The following ITGA1 variants were observed in gnomAD, a reference collection of about 807,000 sequenced individuals.
ITGA1 encodes integrin alpha-1.
ITGA1 carries 85 observed loss-of-function variants against 145.9 expected under a neutral mutation model. The observed-to-expected ratio is 0.58, with a 90% CI of 0.49 to 0.70. ITGA1 has a LOEUF of 0.70. ITGA1 is among the 30% of genes least tolerant of loss of function. The pLI, the probability that ITGA1 is intolerant of heterozygous loss-of-function variation, is 0.00. For missense variants in ITGA1, 1,351 were observed against 1,418.7 expected, an observed-to-expected ratio of 0.95 and a Z score of 0.77; for synonymous variants, 520 against 495.3, an observed-to-expected ratio of 1.05 and a Z score of -0.66.
intron 11 of ITGA1, chr5:52,905,434 CA>C (rs1453761458): frequency 5.7e-6 from 1 of 176,466 alleles, no homozygotes; most frequent in Non-Finnish European, 1.2e-5. Context: ...CACATATATC[CA>C]AATGAAATAC....
intron 26 of ITGA1, among the ~76,000 whole-genome samples, chr5:52,943,349 G>T (rs1362696197): frequency 6.6e-6 from 1 of 152,160 alleles, no homozygotes; most frequent in African/African-American, 2.4e-5. Flanking sequence ...ATTTGGGTTT[G>T]TTTCTGGATG....
Position 52,881,929 on chromosome 5 carries a change from T to G in ITGA1, c.681T>G (p.Tyr227Ter). The change falls in exon 7 of 29, where the codon TAT (tyrosine) becomes TAG (stop). Residue 227 changes from tyrosine to a stop codon, truncating the protein, a stop_gained. Coordinates refer to ENST00000282588, the MANE Select transcript of ITGA1 (RefSeq NM_181501.2). LOFTEE classifies it high-confidence loss of function. ...CCCATGAGTTCAACCTCAATAAGTA[T>G]TCTTCCACCGAAGAGGTACTTGTTG... is the stretch of plus-strand genomic sequence containing the variant. ...NVTHEFNLNK[Y>*]SSTEEVLVAA... 1 of 1,613,830 alleles carries G rather than the reference T, an allele frequency of 6.2e-7. No homozygotes were observed. The highest frequency in any genetic ancestry group is 8.5e-7 in the Non-Finnish European group (1 of 1,179,792).
chr5:52,878,289 A>G (rs770026176), intron 6 of ITGA1, among the ~76,000 whole-genome samples: 1 of 152,220 alleles, frequency 6.6e-6, no homozygotes, highest in African/African-American at 2.4e-5. Context: ...ATAGGCAGTT[A>G]TAACTCATCT....
chr5:52,851,504 G>A (rs1360158906), intron 2 of ITGA1, among the ~76,000 whole-genome samples: 2 of 152,154 alleles, frequency 1.3e-5, no homozygotes, highest in African/African-American at 4.8e-5. Context: ...CATGAGGAAT[G>A]TCCTTCCTAA....
In ITGA1 at chr5:52,939,606, C is replaced by CAT; in HGVS notation, c.3095_3096insAT (p.His1033SerfsTer16). 5 of 1,610,766 alleles carry CAT rather than the reference C, an allele frequency of 3.1e-6. No homozygotes were observed. The highest frequency in any genetic ancestry group is 3.4e-6 in the Non-Finnish European group (4 of 1,177,190). On this transcript the variant is annotated frameshift_variant, in exon 25 of 29. Coordinates refer to ENST00000282588, the MANE Select transcript of ITGA1 (RefSeq NM_181501.2). LOFTEE classifies it high-confidence loss of function. ...CATTTCTAGAATGCAAACTGCAGAC[C>CAT]CCATATCTTTGAGGATCCTTTCAGT...
At chr5:52,935,720 T>C (rs550114300) in intron 23 of ITGA1, among the ~76,000 whole-genome samples, 1 of 152,300 alleles carries the variant, frequency 6.6e-6, no homozygotes, top group Admixed American at 6.5e-5. Flanking sequence ...AATAAACTTA[T>C]ACATTTAAAG....
At chr5:52,898,102 A>T (rs1750257677) in intron 10 of ITGA1, 137 bp from the exon 11 acceptor site, 1 of 488,174 alleles carries the variant, frequency 2.0e-6, no homozygotes, top group African/African-American at 2.0e-5. Flanking sequence ...TAACTCATAG[A>T]GTTATCATGA....
chr5:52,925,932 CTG>C (rs969028405), intron 19 of ITGA1, among the ~76,000 whole-genome samples: 51 of 152,190 alleles, frequency 3.4e-4, no homozygotes, highest in African/African-American at 1.2e-3. Context: ...TATTAAATAA[CTG>C]TGTCTTATTG....
intron 2 of ITGA1, among the ~76,000 whole-genome samples, chr5:52,854,492 T>C (rs189865300): frequency 2.0e-4 from 31 of 152,290 alleles, no homozygotes; most frequent in Admixed American, 3.3e-4. Context: ...TGGGTCACTG[T>C]GTAAGTTTCA....
In ITGA1 at chr5:52,860,468, C is replaced by T. The variant is rs1027380152; in HGVS notation, c.183-979C>T. On this transcript the variant is annotated intron_variant, in intron 2 of 28. Transcript: ENST00000282588. ...GGCTGAGGCAGGAGAATCGCTTGGA[C>T]CCAGGAGGCGGAGGTTGCAGTGGGC... Among the ~76,000 whole-genome samples the T allele has an allele frequency of 6.6e-5, 10 of 152,164 alleles. No individual in the cohort carries two copies. In the East Asian group the frequency reaches 1.9e-3, roughly 29 times the overall value.
chr5:52,799,014 T>C (rs1033943659), intron 1 of ITGA1, among the ~76,000 whole-genome samples: 1 of 152,180 alleles, frequency 6.6e-6, no homozygotes, highest in Admixed American at 6.5e-5. Flanking sequence ...CACACGCCTA[T>C]GCCAAACTCA....
intron 1 of ITGA1, among the ~76,000 whole-genome samples, chr5:52,808,978 A>G (rs10805443): frequency 0.26 from 39,099 of 151,894 alleles, 5,373 homozygotes; most frequent in Non-Finnish European, 0.3. Flanking sequence ...GGAACAAGGA[A>G]CAATGCAGGA....
At chr5:52,897,552 A>G in intron 10 of ITGA1, 24 bp downstream of exon 10, 1 of 1,582,906 alleles carries the variant, frequency 6.3e-7, no homozygotes, top group Non-Finnish European at 8.7e-7. Flanking sequence ...TTGGTGAAAA[A>G]TGAAATATAT....
At chr5:52,899,752 A>G (rs545555093) in intron 11 of ITGA1, among the ~76,000 whole-genome samples, 1 of 152,342 alleles carries the variant, frequency 6.6e-6, no homozygotes, top group South Asian at 2.1e-4. Flanking sequence ...GGATTGTGAT[A>G]TAAAATATAG....
rs150409681 is a variant in ITGA1, at chr5:52,931,282, T to A, written c.2772-765T>A. The A allele has an allele frequency of 2.9e-3, 449 of 152,232 alleles. 4 individuals are homozygous for A. The highest frequency in any genetic ancestry group is 0.01 in the African/African-American group (432 of 41,530). The allele number at this position is 152,232 out of a possible 1,614,324, so 9.4% of individuals were successfully genotyped here. A position where few individuals can be genotyped will look rare whatever the true frequency, so the allele number is the denominator to read the frequency against. On this transcript the variant is annotated intron_variant, in intron 21 of 28. Coordinates refer to ENST00000282588, the MANE Select transcript of ITGA1 (RefSeq NM_181501.2). Reference sequence around the variant, plus strand: ...ATCATCATTTATTACTCATTTGATATCCCATTTTATAGATGAAGAAACCAA... The same window carrying A: ...ATCATCATTTATTACTCATTTGATAACCCATTTTATAGATGAAGAAACCAA...
At chr5:52,829,053 A>C (rs11747003) in intron 1 of ITGA1, among the ~76,000 whole-genome samples, 23,779 of 152,142 alleles carry the variant, frequency 0.16, 2,231 homozygotes, top group African/African-American at 0.25. Context: ...TCATTTAGAC[A>C]TCCTTAACTT....
intron 1 of ITGA1, among the ~76,000 whole-genome samples, chr5:52,840,867 G>A (rs1192256909): frequency 6.6e-6 from 1 of 152,068 alleles, no homozygotes; most frequent in Non-Finnish European, 1.5e-5. Flanking sequence ...TAACAAACTT[G>A]TATTAAACAG....
chr5:52,936,650 G>A (rs1361341311), intron 23 of ITGA1, among the ~76,000 whole-genome samples: 1 of 152,266 alleles, frequency 6.6e-6, no homozygotes, highest in African/African-American at 2.4e-5. Flanking sequence ...TTTTAAGCAG[G>A]GAAGGACCTC....
At chr5:52,865,882 A>T (rs1185882955) in intron 6 of ITGA1, 65 bp downstream of exon 6, 1 of 1,338,326 alleles carries the variant, frequency 7.5e-7, no homozygotes. Flanking sequence ...TTTTAATAAA[A>T]CCAAATATTC....
Sources: allele counts gnomAD v4.1 joint callset (sites outside exome capture counted in the v4.1 genomes callset), GRCh38; gene constraint gnomAD v4.1.1; transcripts MANE v1.5; gene names NCBI Gene and HGNC (gene_info 2026-07-23, HGNC 2026-07-21).